Variants in TMEM132D observed in about 807,000 individuals in gnomAD.
TMEM132D encodes mature OL transmembrane protein.
A neutral mutation model predicts 62.3 loss-of-function variants in TMEM132D; 21 were observed. The ratio of observed to expected loss-of-function variants is 0.34; its 90% CI spans 0.24 to 0.49. TMEM132D has a LOEUF of 0.49. Ranked by LOEUF, TMEM132D falls within the 20% of genes least tolerant of loss-of-function variation. The pLI is 0.99. For synonymous variants in TMEM132D, 621 were observed against 575.6 expected, an observed-to-expected ratio of 1.08 and a Z score of -1.13; for missense variants, 1,346 against 1,402.8, an observed-to-expected ratio of 0.96 and a Z score of 0.65.
rs774020587 is a variant in TMEM132D at position 129,827,245 on chromosome 12, T to C, written c.79+76016A>G. ...TCTTATGCAATGAGTGCTATGATTA[T>C]TCCCATTTTGCAGATGAAGACACTG... On this transcript the variant is annotated intron_variant, in intron 1 of 8. Coordinates refer to ENST00000422113, the MANE Select transcript of TMEM132D (RefSeq NM_133448.3). The surrounding 1 kb of genome is among the most constrained non-coding windows in gnomAD (Gnocchi z 9.7). Among the ~76,000 whole-genome samples, 1 of 152,208 alleles carries C rather than the reference T, an allele frequency of 6.6e-6. No homozygotes were observed. The highest frequency in any genetic ancestry group is 6.5e-5 in the Admixed American group (1 of 15,276).
chr12:129,353,871 T>G (rs1869951639), intron 3 of TMEM132D, among the ~76,000 whole-genome samples: 1 of 151,682 alleles, frequency 6.6e-6, no homozygotes. Flanking sequence ...TCCACAGGTG[T>G]GGATTTGGAG....
chr12:129,518,023 C>CA (rs1464585448), intron 3 of TMEM132D, among the ~76,000 whole-genome samples: 1 of 152,072 alleles, frequency 6.6e-6, no homozygotes, highest in African/African-American at 2.4e-5. Context: ...AATGCCAACA[C>CA]AAAAATGTAT....
In TMEM132D at chr12:129,708,163, G is replaced by A. The variant is rs553994558; in HGVS notation, c.80-7465C>T. Among the ~76,000 whole-genome samples the A allele has an allele frequency of 3.2e-4, 48 of 152,274 alleles. 2 individuals carry two copies. The South Asian group carries it at 9.1e-3, about 29-fold the overall frequency. ...ACCCAGGAGGCAGAGGTTGCAGTGA[G>A]CTGAGATCGCACCAGTGCACTCCAG... On this transcript the variant is annotated intron_variant, in intron 1 of 8. Transcript: ENST00000422113.
intron 4 of TMEM132D, among the ~76,000 whole-genome samples, chr12:129,219,364 T>C (rs768805241): frequency 3.3e-5 from 5 of 152,306 alleles, no homozygotes; most frequent in Non-Finnish European, 5.9e-5. Context: ...GTGAGTCCAT[T>C]AGGCATCTTT....
At chr12:129,319,820 T>C (rs1457903005) in intron 4 of TMEM132D, among the ~76,000 whole-genome samples, 2 of 152,194 alleles carry the variant, frequency 1.3e-5, no homozygotes, top group African/African-American at 4.8e-5. Context: ...AGTGAGGAAA[T>C]TGATGGCATG....
At chr12:129,709,652 C>T (rs1367060900) in intron 1 of TMEM132D, among the ~76,000 whole-genome samples, 7 of 152,194 alleles carry the variant, frequency 4.6e-5, no homozygotes. Flanking sequence ...CTCCAAAGCT[C>T]TCTAATGCCT....
chr12:129,132,861 TG>T (rs1168625819), intron 5 of TMEM132D, among the ~76,000 whole-genome samples: 1 of 152,204 alleles, frequency 6.6e-6, no homozygotes, highest in Admixed American at 6.5e-5. Flanking sequence ...CATGGGGATA[TG>T]GAGATGAGGA....
chr12:129,635,435 G>A (rs1185638439), intron 2 of TMEM132D, among the ~76,000 whole-genome samples: 1 of 152,210 alleles, frequency 6.6e-6, no homozygotes, highest in Non-Finnish European at 1.5e-5. Flanking sequence ...GCAGCAGCCT[G>A]AAAGGAAAGG....
At chr12:129,822,388 T>G (rs1007417475) in intron 1 of TMEM132D, among the ~76,000 whole-genome samples, 1 of 152,072 alleles carries the variant, frequency 6.6e-6, no homozygotes, top group Non-Finnish European at 1.5e-5. Flanking sequence ...AGGACCAGGG[T>G]AACACAGGTG....
At chr12:129,743,368 G>A (rs1392458219) in intron 1 of TMEM132D, among the ~76,000 whole-genome samples, 1 of 152,170 alleles carries the variant, frequency 6.6e-6, no homozygotes, top group Non-Finnish European at 1.5e-5. Flanking sequence ...CTGTTCGCAC[G>A]ATAGTAAGTG....
chr12:129,450,900 T>C (rs1424173890), intron 3 of TMEM132D, among the ~76,000 whole-genome samples: 1 of 11,978 alleles, frequency 8.3e-5, no homozygotes, highest in African/African-American at 1.9e-4. Flanking sequence ...GGATTACAGG[T>C]GCCTGCCACC....
At chr12:129,268,839 T>TA (rs1214567150) in intron 4 of TMEM132D, among the ~76,000 whole-genome samples, 17 of 151,690 alleles carry the variant, frequency 1.1e-4, no homozygotes, top group Non-Finnish European at 2.1e-4. Flanking sequence ...TATGCAGCCA[T>TA]AAAAAAAGGA....
intron 1 of TMEM132D, among the ~76,000 whole-genome samples, chr12:129,740,179 T>C (rs1869555094): frequency 1.3e-5 from 2 of 152,174 alleles, no homozygotes; most frequent in South Asian, 4.1e-4. Context: ...ATCGTTGTAA[T>C]CAGCCCCATC....
At chr12:129,495,273 T>G (rs983594097) in intron 3 of TMEM132D, among the ~76,000 whole-genome samples, 2 of 152,048 alleles carry the variant, frequency 1.3e-5, no homozygotes, top group African/African-American at 4.8e-5. Flanking sequence ...CAAAACGAGG[T>G]GCAGTTTAGG....
intron 1 of TMEM132D, among the ~76,000 whole-genome samples, chr12:129,877,628 CAGAGAGAGAG>C (rs71085585): frequency 1.4e-5 from 2 of 146,854 alleles, no homozygotes; most frequent in Non-Finnish European, 3.0e-5. Context: ...CACACACACA[CAGAGAGAGAG>C]AGAGAGAGAG....
At chr12:129,114,402 C>T (rs374388593) in intron 5 of TMEM132D, among the ~76,000 whole-genome samples, 14 of 144,064 alleles carry the variant, frequency 9.7e-5, no homozygotes, top group South Asian at 2.2e-4. Context: ...CCTTCCTTCC[C>T]TCCTTCCCTC....
At chr12:129,478,581 G>A (rs911864179) in intron 3 of TMEM132D, among the ~76,000 whole-genome samples, 1 of 152,158 alleles carries the variant, frequency 6.6e-6, no homozygotes, top group African/African-American at 2.4e-5. Flanking sequence ...AAGAGACTGG[G>A]GCAGATAGGG....
At chr12:129,182,177 C>A (rs73418217) in intron 5 of TMEM132D, among the ~76,000 whole-genome samples, 7,569 of 152,202 alleles carry the variant, frequency 0.05, 253 homozygotes, top group African/African-American at 0.094. Flanking sequence ...GCCTGACCAA[C>A]ATGGTGAAAC....
At chr12:129,112,923 T>G (rs1875768431) in intron 5 of TMEM132D, 2 of 152,268 alleles carry the variant, frequency 1.3e-5, no homozygotes, top group East Asian at 1.9e-4. Flanking sequence ...CCACTTTGAT[T>G]CTACTGTGTG....
Sources: allele counts gnomAD v4.1 joint callset (sites outside exome capture counted in the v4.1 genomes callset), GRCh38; gene constraint gnomAD v4.1.1; non-coding constraint Gnocchi (gnomAD v3.1); transcripts MANE v1.5; gene names NCBI Gene and HGNC (gene_info 2026-07-23, HGNC 2026-07-21).